CDX2: variants seen among roughly 807,000 people sequenced by gnomAD.
CDX2 encodes the protein homeobox protein CDX-2.
CDX2 carries 7 observed loss-of-function variants against 25.5 expected under a neutral mutation model. The ratio of observed to expected loss-of-function variants is 0.27; its 90% CI spans 0.16 to 0.52. The LOEUF (loss-of-function observed/expected upper bound fraction) is 0.52, where lower values mean the gene tolerates loss of function less well. Ranked by LOEUF, CDX2 falls within the 20% of genes least tolerant of loss-of-function variation. CDX2 has a pLI of 0.97. For missense variants in CDX2, 375 were observed against 431.4 expected (o/e 0.87, Z 1.16); for synonymous variants, 222 against 198.6 (o/e 1.12, Z -0.99).
intron 1 of CDX2, chr13:27,967,123 C>A (rs1340622313): frequency 2.1e-5 from 8 of 378,738 alleles, no homozygotes; most frequent in Middle Eastern, 1.2e-3. Flanking sequence ...TTAGGGCGTG[C>A]GCCACCCCCG....
At position 27,969,090 on chromosome 13, in the gene CDX2, G is replaced by A. The variant is rs964999756; in HGVS notation, c.-84C>T. ...TGCCGGGGGGCACGAAGGGAAAGGG[G>A]CGAGGGGACTCGAGGAGCGGCGGGT... On this transcript the variant is annotated 5_prime_UTR_variant, in exon 1 of 3. Transcript: ENST00000381020. The A allele has an allele frequency of 3.7e-6, 4 of 1,082,566 alleles. No individual in the cohort carries two copies. The highest frequency in any genetic ancestry group is 4.0e-6 in the Non-Finnish European group (3 of 757,748). 67.1% of individuals were successfully genotyped at this position (1,082,566 alleles called of 1,614,324 possible).
Position 27,969,132 on chromosome 13 carries a change from G to T in CDX2, c.-126C>A. On this transcript the variant is annotated 5_prime_UTR_variant, in exon 1 of 3. Coordinates refer to ENST00000381020, the MANE Select transcript of CDX2 (RefSeq NM_001265.6). ...GCGGCGGGTGGCTGCGCCCCAGCCC[G>T]CGGTGCTCCGCTGGCTCCTCGCGGC... 1.5e-6 allele frequency: 1 copy of T among 654,348 alleles called. No individual in the cohort carries two copies. The highest frequency in any genetic ancestry group is 2.5e-6 in the Non-Finnish European group (1 of 399,692). 40.5% of individuals were successfully genotyped at this position (654,348 alleles called of 1,614,324 possible). A position where few individuals can be genotyped will look rare whatever the true frequency, so the allele number is the denominator to read the frequency against.
chr13:27,964,668 C>T lies in CDX2; in HGVS notation c.687+202G>A, dbSNP rs1267220376. Among the ~76,000 whole-genome samples, 1 of 148,058 alleles carries T rather than the reference C, an allele frequency of 6.8e-6. No homozygotes were observed. The highest frequency in any genetic ancestry group is 1.5e-5 in the Non-Finnish European group (1 of 67,276). ...GCAGTGAGCTATGATTGTGCCACTA[C>T]ACTCCAGCCTGGGCCACAAAGCAAG... On this transcript the variant is annotated intron_variant, in intron 2 of 2. Coordinates refer to ENST00000381020, the MANE Select transcript of CDX2 (RefSeq NM_001265.6). This position sits in a 1 kb window ranked among gnomAD's most constrained non-coding sequence, Gnocchi z 4.7.
rs142861632 is a variant in CDX2, at chr13:27,963,141, C to T, written c.916G>A (p.Val306Met). The T allele has an allele frequency of 7.4e-5, 119 of 1,604,910 alleles. No individual in the cohort carries two copies. Among genetic ancestry groups the T allele is most frequent in the Non-Finnish European group, 9.1e-5 (107 of 1,172,836 alleles). ...VPGVLGPTGG[V>M]LNPTVTQ Reference sequence around the variant, plus strand: ...CACTGGGTGACGGTGGGGTTTAGCACCCCCCCAGTTGGCCCCAGAACCCCA... The same window carrying T: ...CACTGGGTGACGGTGGGGTTTAGCATCCCCCCAGTTGGCCCCAGAACCCCA... Residue 306 changes from valine (V) to methionine (M), a missense_variant, in exon 3 of 3, where the codon GTG becomes ATG. By Grantham distance (21) the Val-to-Met change is conservative (BLOSUM62 1). Coordinates refer to ENST00000381020, the MANE Select transcript of CDX2 (RefSeq NM_001265.6).
intron 2 of CDX2, 55 bp from the exon 3 acceptor site, chr13:27,963,424 A>C (rs1253401161): frequency 7.2e-7 from 1 of 1,382,556 alleles, no homozygotes; most frequent in South Asian, 1.4e-5. Flanking sequence ...GAGGGAAAAG[A>C]GGAACAGTAC....
Position 27,962,243 on chromosome 13 carries a change from A to C in CDX2, c.*872T>G. ...ATATCACTTCTCCCCCCATGGATCCAGAAGGCTTTAAAAACTCTGGCTTGG... is the reference window on the plus strand; with the variant it reads ...ATATCACTTCTCCCCCCATGGATCCCGAAGGCTTTAAAAACTCTGGCTTGG... On this transcript the variant is annotated 3_prime_UTR_variant, in exon 3 of 3. Coordinates refer to ENST00000381020, the MANE Select transcript of CDX2 (RefSeq NM_001265.6). 4.4e-6 allele frequency: 1 copy of C among 227,694 alleles called. No homozygotes were observed. Among genetic ancestry groups the C allele is most frequent in the Non-Finnish European group, 8.7e-6 (1 of 114,382 alleles). The allele number at this position is 227,694 out of a possible 1,614,324, so 14.1% of individuals were successfully genotyped here.
In CDX2 at chr13:27,969,247, G is replaced by C. The variant is rs1006935860; in HGVS notation, c.-241C>G. 3.8e-6 allele frequency: 2 copies of C among 525,108 alleles called. No individual in the cohort carries two copies. Among genetic ancestry groups the C allele is most frequent in the African/African-American group, 4.0e-5 (2 of 49,448 alleles). The allele number at this position is 525,108 out of a possible 1,614,324, so 32.5% of individuals were successfully genotyped here. The stretch of plus-strand genomic sequence containing the variant: ...TTTCCTCCCACCTCCTTCCCACTAG[G>C]CTGCAGAGGCGGGGAAGACCCGCCA... On this transcript the variant is annotated 5_prime_UTR_variant, in exon 1 of 3. Transcript: ENST00000381020.
intron 1 of CDX2, chr13:27,967,454 C>T: frequency 2.2e-6 from 1 of 458,554 alleles, no homozygotes; most frequent in Non-Finnish European, 4.2e-6. Flanking sequence ...CATCAAGGAG[C>T]GAAGCAAGAA....
rs1217840490 is a variant in CDX2, at chr13:27,968,983, G to C, written c.24C>G (p.Asp8Glu). 1 of 1,600,650 alleles carries C rather than the reference G, an allele frequency of 6.2e-7. No homozygotes were observed. The highest frequency in any genetic ancestry group is 8.5e-7 in the Non-Finnish European group (1 of 1,178,604). The change falls in exon 1 of 3, where the codon GAC becomes GAG. Residue 8 changes from aspartate to glutamate, a missense_variant. By Grantham distance (45) the Asp-to-Glu change is conservative. Transcript: ENST00000381020. Reference sequence around the variant, plus strand: ...AGCTAGGGTACATGCTCACGTCCTTGTCCAGGAGGTAGCTCACGTACATGG... The same window carrying C: ...AGCTAGGGTACATGCTCACGTCCTTCTCCAGGAGGTAGCTCACGTACATGG... MYVSYLL[D>E]KDVSMYPSSV...
At chr13:27,963,437 A>G (rs2137535128) in intron 2 of CDX2, 68 bp from the exon 3 acceptor site, 2 of 1,272,170 alleles carry the variant, frequency 1.6e-6, no homozygotes, top group East Asian at 2.5e-5. Context: ...AACAGTACCC[A>G]GCAGTATCAT....
chr13:27,967,173 T>C (rs1279990008), intron 1 of CDX2: 2 of 434,456 alleles, frequency 4.6e-6, no homozygotes, highest in East Asian at 1.0e-4. Flanking sequence ...AAGTGGGTCT[T>C]TGGGAGCCAG....
At position 27,961,180 on chromosome 13, in the gene CDX2, C is replaced by T. The variant is rs924456735; in HGVS notation, c.*1935G>A. ...GCTTCGAGGCCAGGCGCCCGCGGGC[C>T]GGGCCACCGGAGCCCCTTTCCCAAT... On this transcript the variant is annotated 3_prime_UTR_variant, in exon 3 of 3. Transcript: ENST00000381020. 1.3e-5 allele frequency among the ~76,000 whole-genome samples: 2 copies of T among 152,202 alleles called. No homozygotes were observed. The highest frequency in any genetic ancestry group is 2.1e-4 in the South Asian group (1 of 4,830).
In CDX2 at chr13:27,962,543, G is replaced by A; in HGVS notation, c.*572C>T. ...AGCCAAGCCTTTCCTGGTCTGGGAA[G>A]GGAAGAGAAAAAAGACGCAGGCCAC... On this transcript the variant is annotated 3_prime_UTR_variant, in exon 3 of 3. Coordinates refer to ENST00000381020, the MANE Select transcript of CDX2 (RefSeq NM_001265.6). 4.3e-6 allele frequency: 1 copy of A among 233,186 alleles called. No individual in the cohort carries two copies. Among genetic ancestry groups the A allele is most frequent in the Non-Finnish European group, 8.5e-6 (1 of 117,802 alleles). The allele number at this position is 233,186 out of a possible 1,614,324, so 14.4% of individuals were successfully genotyped here.
intron 1 of CDX2, among the ~76,000 whole-genome samples, chr13:27,966,766 T>C (rs531990180): frequency 5.9e-5 from 9 of 152,206 alleles, no homozygotes; most frequent in Non-Finnish European, 1.2e-4. Flanking sequence ...TCAGAATTCA[T>C]TATTGACTGC....
Position 27,964,822 on chromosome 13 carries a change from T to A in CDX2, c.687+48A>T. ...CAGCCAGATTTTCTAACTCTCATGG[T>A]CCTCTGCCAGGCAGTGGCCCGCCCG... is the stretch of plus-strand genomic sequence containing the variant. On this transcript the variant is annotated intron_variant, in intron 2 of 2. Coordinates refer to ENST00000381020, the MANE Select transcript of CDX2 (RefSeq NM_001265.6). This position sits in a 1 kb window ranked among gnomAD's most constrained non-coding sequence, Gnocchi z 4.7. 6.3e-7 allele frequency: 1 copy of A among 1,595,464 alleles called. No individual in the cohort carries two copies. The highest frequency in any genetic ancestry group is 8.6e-7 in the Non-Finnish European group (1 of 1,167,294).
In CDX2 at chr13:27,969,180, C is replaced by T; in HGVS notation, c.-174G>A. 5.4e-6 allele frequency: 3 copies of T among 559,344 alleles called. No individual in the cohort carries two copies. Among genetic ancestry groups the T allele is most frequent in the East Asian group, 3.4e-5 (1 of 29,744 alleles). 34.6% of individuals were successfully genotyped at this position (559,344 alleles called of 1,614,324 possible). ...GGCTCTTCTGCCTCCGAGGCGGTCC[C>T]TCCCTCTGGCCTGCCTCCTCCCTCC... On this transcript the variant is annotated 5_prime_UTR_variant, in exon 1 of 3. Transcript: ENST00000381020.
Position 27,968,689 on chromosome 13 carries a change from G to A in CDX2, c.318C>T (p.Gly106=), listed in dbSNP as rs1241160957. The A allele has an allele frequency of 7.2e-6, 11 of 1,532,914 alleles. No individual in the cohort carries two copies. Among genetic ancestry groups the A allele is most frequent in the South Asian group, 1.2e-5 (1 of 83,500 alleles). 95.0% of individuals were successfully genotyped at this position (1,532,914 alleles called of 1,614,324 possible). Residue 106 remains glycine (G), a synonymous_variant, in exon 1 of 3, where the codon GGC becomes GGT. Coordinates refer to ENST00000381020, the MANE Select transcript of CDX2 (RefSeq NM_001265.6). Reference sequence around the variant, plus strand: ...GATGGTAGTCTGCGGGGCTGCTGTAGCCCATGGCTGCGGCCGGGGAGCCAC... The same window carrying A: ...GATGGTAGTCTGCGGGGCTGCTGTAACCCATGGCTGCGGCCGGGGAGCCAC... ...LNGGSPAAAM[G]YSSPADYHPH... is the part of the protein sequence containing the mutation.
At chr13:27,966,121 G>C (rs1046267342) in intron 1 of CDX2, among the ~76,000 whole-genome samples, 1 of 152,220 alleles carries the variant, frequency 6.6e-6, no homozygotes. Context: ...CAACACAGCC[G>C]CAAACAATGC....
chr13:27,961,389 C>T lies in CDX2; in HGVS notation c.*1726G>A, dbSNP rs1365454108. 6.6e-6 allele frequency among the ~76,000 whole-genome samples: 1 copy of T among 152,228 alleles called. No homozygotes were observed. On this transcript the variant is annotated 3_prime_UTR_variant, in exon 3 of 3. Transcript: ENST00000381020. ...GATCGAAACGAAGGGCTAAGCCCCC[C>T]TCGCCCGGGTCCTGCCGGAAAGTTC...
Sources: allele counts gnomAD v4.1 joint callset (sites outside exome capture counted in the v4.1 genomes callset), GRCh38; gene constraint gnomAD v4.1.1; non-coding constraint Gnocchi (gnomAD v3.1); transcripts MANE v1.5; gene names NCBI Gene and HGNC (gene_info 2026-07-23, HGNC 2026-07-21).